TSPEAR: variants seen among roughly 807,000 people sequenced by gnomAD.
TSPEAR encodes the protein thrombospondin-type laminin G domain and EAR repeat-containing protein.
TSPEAR carries 69 observed loss-of-function variants against 71.6 expected under a neutral mutation model. The ratio of observed to expected loss-of-function variants is 0.96; its 90% confidence interval spans 0.79 to 1.18. The LOEUF (loss-of-function observed/expected upper bound fraction) is 1.18. Among genes scored for constraint, TSPEAR ranks in the 50% most tolerant of loss-of-function variants. TSPEAR has a pLI of 0.00. For missense variants in TSPEAR, 971 were observed against 894.9 expected (o/e 1.09, Z -1.09); for synonymous variants, 402 against 387.2 (o/e 1.04, Z -0.45).
chr21:44,500,796 C>T (rs1185772653), intron 11 of TSPEAR, among the ~76,000 whole-genome samples: 2 of 152,146 alleles, frequency 1.3e-5, no homozygotes, highest in African/African-American at 4.8e-5. Flanking sequence ...TCCATTTTTC[C>T]AAATTTAAAG....
chr21:44,699,377 CA>C (rs55846070), intron 1 of TSPEAR, among the ~76,000 whole-genome samples: 3,681 of 65,360 alleles, frequency 0.056, 120 homozygotes, highest in African/African-American at 0.19. Flanking sequence ...GACACTGTCT[CA>C]AAAAAAAAAA....
At chr21:44,599,808 T>C (rs1191244036) in intron 1 of TSPEAR, among the ~76,000 whole-genome samples, 2 of 152,246 alleles carry the variant, frequency 1.3e-5, no homozygotes, top group Non-Finnish European at 2.9e-5. Flanking sequence ...GAAAACACAC[T>C]GCAAGCGAAA....
At chr21:44,709,685 CG>C (rs1311410309) in intron 1 of TSPEAR, among the ~76,000 whole-genome samples, 1 of 152,262 alleles carries the variant, frequency 6.6e-6, no homozygotes, top group Admixed American at 6.5e-5. Context: ...AGCCACGGCC[CG>C]GTGCCTTCAC....
chr21:44,569,395 C>G (rs2053756846), intron 1 of TSPEAR, among the ~76,000 whole-genome samples: 2 of 152,014 alleles, frequency 1.3e-5, no homozygotes, highest in South Asian at 2.1e-4. Flanking sequence ...AGTGCAGGAA[C>G]AGCCGGCAAA....
intron 1 of TSPEAR, among the ~76,000 whole-genome samples, chr21:44,604,072 T>C (rs79550599): frequency 0.043 from 6,597 of 152,208 alleles, 340 homozygotes; most frequent in African/African-American, 0.12. Context: ...TAAACGTGCA[T>C]GGAGAGATGT....
At position 44,532,903 on chromosome 21, in the gene TSPEAR, C is replaced by T. The variant is rs1421804370; in HGVS notation, c.542+782G>A. Reference sequence around the variant, plus strand: ...TGGAGTTTCTGTCAACATCTGCTCCCTCGTCCACGAGGAACCTGCCATGTG... The same window carrying T: ...TGGAGTTTCTGTCAACATCTGCTCCTTCGTCCACGAGGAACCTGCCATGTG... On this transcript the variant is annotated intron_variant, in intron 3 of 11. Coordinates refer to ENST00000323084, the MANE Select transcript of TSPEAR (RefSeq NM_144991.3). Among the ~76,000 whole-genome samples, 7 of 152,356 alleles carry T rather than the reference C, an allele frequency of 4.6e-5. No homozygotes were observed. In the South Asian group the frequency reaches 1.5e-3, roughly 32 times the overall value.
intron 1 of TSPEAR, among the ~76,000 whole-genome samples, chr21:44,672,223 C>G (rs1381091207): frequency 6.6e-6 from 1 of 152,148 alleles, no homozygotes; most frequent in African/African-American, 2.4e-5. Flanking sequence ...AGCAAATATT[C>G]TAATATTGGA....
intron 1 of TSPEAR, among the ~76,000 whole-genome samples, chr21:44,707,890 C>T (rs1224812538): frequency 6.6e-6 from 1 of 151,996 alleles, no homozygotes; most frequent in Non-Finnish European, 1.5e-5. Context: ...ACAGTCTGTT[C>T]CCAGTGTGTC....
At chr21:44,614,316 C>T (rs1426862881) in intron 1 of TSPEAR, among the ~76,000 whole-genome samples, 2 of 152,272 alleles carry the variant, frequency 1.3e-5, no homozygotes, top group African/African-American at 2.4e-5. Flanking sequence ...GTGCACTTTG[C>T]ATCACCAGCA....
Position 44,527,304 on chromosome 21 carries a change from G to A in TSPEAR, c.1137C>T (p.Thr379=). 1 of 1,614,122 alleles carries A rather than the reference G, an allele frequency of 6.2e-7. No homozygotes were observed. The highest frequency in any genetic ancestry group is 8.5e-7 in the Non-Finnish European group (1 of 1,180,012). Residue 379 remains threonine, a synonymous_variant, in exon 7 of 12, where the codon ACC becomes ACT. Transcript: ENST00000323084. The part of the protein sequence containing the change: ...THQAQAWRHF[T]IGKKIFLAVA... ...AACACAGACTTGCCTTTTTCCCGAT[G>A]GTGAAATGCCTCCAGGCCTGTGCTT...
intron 1 of TSPEAR, among the ~76,000 whole-genome samples, chr21:44,583,416 T>C (rs1247970270): frequency 1.3e-5 from 2 of 152,358 alleles, no homozygotes; most frequent in Non-Finnish European, 1.5e-5. Context: ...TCTGGTCTTG[T>C]TTCCAAAGTT....
At chr21:44,528,641 G>C in intron 5 of TSPEAR, 58 bp from the exon 6 acceptor site, 5 of 1,592,532 alleles carry the variant, frequency 3.1e-6, no homozygotes, top group Non-Finnish European at 3.4e-6. Flanking sequence ...AAAGGAAGAC[G>C]ACACAGGAAG....
At chr21:44,532,489 G>A (rs1445927276) in intron 3 of TSPEAR, among the ~76,000 whole-genome samples, 1 of 152,232 alleles carries the variant, frequency 6.6e-6, no homozygotes, top group Admixed American at 6.5e-5. Context: ...TCACCGTCCT[G>A]AGGGCCCTAA....
rs1601356454 is a variant in TSPEAR, at chr21:44,522,080, T to A, written c.1369A>T (p.Lys457Ter). The change falls in exon 9 of 12, where the codon AAG (lysine) becomes TAG (stop). Residue 457 changes from lysine (K) to a stop codon, truncating the protein, a stop_gained. Coordinates refer to ENST00000323084, the MANE Select transcript of TSPEAR (RefSeq NM_144991.3). LOFTEE classifies it high-confidence loss of function. Reference sequence around the variant, plus strand: ...AAGAGCCGGGTTGCCGGGTTCCACTTGTAGATGACACTGTCGATGTTGTGG... The same window carrying A: ...AAGAGCCGGGTTGCCGGGTTCCACTAGTAGATGACACTGTCGATGTTGTGG... ...DNHNIDSVIY[K>*]WNPATRLFEA... The A allele has an allele frequency of 6.2e-7, 1 of 1,614,020 alleles. No homozygotes were observed. Among genetic ancestry groups the A allele is most frequent in the East Asian group, 2.2e-5 (1 of 44,868 alleles).
chr21:44,668,510 A>G (rs188048294), intron 1 of TSPEAR, among the ~76,000 whole-genome samples: 103 of 152,346 alleles, frequency 6.8e-4, no homozygotes, highest in African/African-American at 2.3e-3. Context: ...TCAAAATCCC[A>G]AGGACATTTC....
At chr21:44,648,399 G>C (rs587620793) in intron 1 of TSPEAR, among the ~76,000 whole-genome samples, 1 of 152,304 alleles carries the variant, frequency 6.6e-6, no homozygotes, top group East Asian at 1.9e-4. Context: ...CCAGAAAGTA[G>C]CTGAATTTAA....
chr21:44,552,926 G>A (rs1458371606), intron 2 of TSPEAR, among the ~76,000 whole-genome samples: 2 of 152,214 alleles, frequency 1.3e-5, no homozygotes, highest in African/African-American at 4.8e-5. Context: ...TGAAGACGCA[G>A]GGCAGTCAGC....
At chr21:44,538,095 C>T (rs1245395332) in intron 2 of TSPEAR, among the ~76,000 whole-genome samples, 3 of 152,168 alleles carry the variant, frequency 2.0e-5, no homozygotes, top group Non-Finnish European at 2.9e-5. Context: ...CATCAGGCTG[C>T]GGCCGGCCTG....
intron 1 of TSPEAR, among the ~76,000 whole-genome samples, chr21:44,682,979 C>G (rs1469601691): frequency 1.3e-5 from 2 of 152,158 alleles, no homozygotes; most frequent in African/African-American, 4.8e-5. Flanking sequence ...AAGGCAACCA[C>G]AGGCTCACCA....
Sources: allele counts gnomAD v4.1 joint callset (sites outside exome capture counted in the v4.1 genomes callset), GRCh38; gene constraint gnomAD v4.1.1; transcripts MANE v1.5; gene names NCBI Gene and HGNC (gene_info 2026-07-23, HGNC 2026-07-21).